Variants in NCOA1 observed in about 807,000 individuals in gnomAD.
The protein encoded by NCOA1 is nuclear receptor coactivator 1.
Under a neutral mutation model 150.9 loss-of-function variants are expected in NCOA1, and 35 were observed. That is an observed-to-expected ratio of 0.23 (90% CI 0.18 to 0.31). NCOA1 has a LOEUF of 0.31. Ranked by LOEUF, NCOA1 falls within the 10% of genes least tolerant of loss-of-function variation. NCOA1 has a pLI of 1.00. For synonymous variants in NCOA1, 590 were observed against 630.0 expected (o/e 0.94, Z 0.95); for missense variants, 1,491 against 1,749.3 (o/e 0.85, Z 2.63).
chr2:24,596,387 A>C (rs2148346027), intron 3 of NCOA1, among the ~76,000 whole-genome samples: 1 of 152,298 alleles, frequency 6.6e-6, no homozygotes, highest in East Asian at 1.9e-4. Flanking sequence ...ATACAGTAAT[A>C]CTGACAGCAG....
intron 1 of NCOA1, among the ~76,000 whole-genome samples, chr2:24,523,628 A>AAAAAAAAAAAAAAAAG (rs1664523257): frequency 1.5e-5 from 2 of 129,858 alleles, no homozygotes. Flanking sequence ...AAAAAAAAAA[A>AAAAAAAAAAAAAAAAG]AAGAAACTGG....
intron 3 of NCOA1, among the ~76,000 whole-genome samples, chr2:24,587,219 A>G (rs924887319): frequency 6.6e-6 from 1 of 151,908 alleles, no homozygotes; most frequent in African/African-American, 2.4e-5. Flanking sequence ...GAGTTTTGCC[A>G]TGTGTGTCTG....
chr2:24,491,529 C>A lies in NCOA1; in HGVS notation c.-469C>A. ...CGCCGGGCCCGAGGAGCGGCGGAGG[C>A]CGGGGCGGCGCCGCCGCCACGGTCG... On this transcript the variant is annotated 5_prime_UTR_variant, in exon 1 of 23. Coordinates refer to ENST00000348332, the MANE Select transcript of NCOA1 (RefSeq NM_003743.5). Among the ~76,000 whole-genome samples, 1 of 147,218 alleles carries A rather than the reference C, an allele frequency of 6.8e-6. No homozygotes were observed. Among genetic ancestry groups the A allele is most frequent in the East Asian group, 2.0e-4 (1 of 5,064 alleles).
At chr2:24,586,618 T>TTTTTTG (rs1667423606) in intron 3 of NCOA1, among the ~76,000 whole-genome samples, 1 of 152,128 alleles carries the variant, frequency 6.6e-6, no homozygotes, top group African/African-American at 2.4e-5. Context: ...CTAATTTTTG[T>TTTTTTG]TTTTTGTTTT....
chr2:24,666,781 C>T (rs149510104), intron 6 of NCOA1, among the ~76,000 whole-genome samples: 5 of 152,128 alleles, frequency 3.3e-5, no homozygotes, highest in African/African-American at 7.2e-5. Context: ...TACAAGTGCG[C>T]GCCACTATGC....
chr2:24,570,622 TAA>T (rs1666705597), intron 2 of NCOA1, among the ~76,000 whole-genome samples: 1 of 152,196 alleles, frequency 6.6e-6, no homozygotes. Context: ...GAATGGCTGC[TAA>T]CTGCACGGGC....
chr2:24,755,419 T>C (rs780283495), intron 20 of NCOA1, among the ~76,000 whole-genome samples: 12 of 152,252 alleles, frequency 7.9e-5, no homozygotes, highest in Non-Finnish European at 1.3e-4. Flanking sequence ...CTCAGACTTA[T>C]TTGACCAGGG....
chr2:24,523,742 A>G (rs933633410), intron 1 of NCOA1, among the ~76,000 whole-genome samples: 3 of 150,394 alleles, frequency 2.0e-5, no homozygotes, highest in East Asian at 3.9e-4. Context: ...CCTGGCCAAC[A>G]TGGTCAAACC....
At chr2:24,734,737 C>A (rs906294931) in intron 17 of NCOA1, among the ~76,000 whole-genome samples, 1 of 151,994 alleles carries the variant, frequency 6.6e-6, no homozygotes, top group African/African-American at 2.4e-5. Flanking sequence ...AGCCAGAGTT[C>A]AAGGCTGCAG....
intron 1 of NCOA1, among the ~76,000 whole-genome samples, chr2:24,556,859 T>A (rs905552212): frequency 4.6e-5 from 7 of 152,082 alleles, no homozygotes; most frequent in Non-Finnish European, 8.8e-5. Context: ...TTTTTCTTCT[T>A]TTCTTGCCTT....
At chr2:24,549,628 G>T (rs570425470) in intron 1 of NCOA1, among the ~76,000 whole-genome samples, 8 of 152,202 alleles carry the variant, frequency 5.3e-5, no homozygotes, top group African/African-American at 1.9e-4. Flanking sequence ...GTGCAGTGGC[G>T]CAATCTGGGC....
At chr2:24,528,257 C>T (rs1664730957) in intron 1 of NCOA1, among the ~76,000 whole-genome samples, 1 of 151,902 alleles carries the variant, frequency 6.6e-6, no homozygotes. Context: ...AGAAACTTTC[C>T]CTTGTGTTTT....
intron 8 of NCOA1, 85 bp from the exon 9 acceptor site, chr2:24,691,396 A>T: frequency 7.9e-7 from 1 of 1,268,462 alleles, no homozygotes; most frequent in Non-Finnish European, 1.1e-6. Flanking sequence ...AATTAAGCAG[A>T]TGGCTTAAAG....
At chr2:24,557,530 T>G (rs1666121179) in intron 1 of NCOA1, among the ~76,000 whole-genome samples, 1 of 151,706 alleles carries the variant, frequency 6.6e-6, no homozygotes, top group African/African-American at 2.4e-5. Context: ...TTCCTCTTCT[T>G]CTTCTTCCTC....
rs1163684627 is a variant in NCOA1, at chr2:24,517,887, G to A, written c.-396+26285G>A. On this transcript the variant is annotated intron_variant, in intron 1 of 22. Transcript: ENST00000348332. ...TTAGTGAAATGATAATATAGTAATA[G>A]CATCAGAATTTTGGAATGTGCCTCA... 2.0e-5 allele frequency among the ~76,000 whole-genome samples: 3 copies of A among 152,108 alleles called. No homozygotes were observed. The East Asian group carries it at 5.8e-4, about 29-fold the overall frequency.
intron 1 of NCOA1, among the ~76,000 whole-genome samples, chr2:24,535,498 T>A (rs1222454702): frequency 2.0e-5 from 3 of 152,208 alleles, no homozygotes; most frequent in East Asian, 1.9e-4. Flanking sequence ...CATTATGATG[T>A]TAGCTGGTTA....
chr2:24,639,875 G>A (rs1452131688), intron 3 of NCOA1, among the ~76,000 whole-genome samples: 1 of 131,704 alleles, frequency 7.6e-6, no homozygotes, highest in East Asian at 2.2e-4. Flanking sequence ...GCGACAGTGC[G>A]AGACTCTGTC....
intron 3 of NCOA1, among the ~76,000 whole-genome samples, chr2:24,595,668 G>A (rs980823278): frequency 6.6e-6 from 1 of 151,998 alleles, no homozygotes; most frequent in African/African-American, 2.4e-5. Flanking sequence ...AATTAGCAGG[G>A]GACACAATGA....
chr2:24,544,780 A>C (rs62142275), intron 1 of NCOA1, among the ~76,000 whole-genome samples: 22,424 of 152,130 alleles, frequency 0.15, 2,016 homozygotes, highest in Non-Finnish European at 0.2. Flanking sequence ...GACTTTCAAA[A>C]GAAAAAGGTA....
Sources: gnomAD v4.1 joint callset for allele counts (sites outside exome capture counted in the v4.1 genomes callset) on GRCh38, gnomAD v4.1.1 for gene constraint, MANE v1.5 for transcripts, NCBI Gene and HGNC (gene_info 2026-07-23, HGNC 2026-07-21) for gene names.